MMP26: variants seen among roughly 807,000 people sequenced by gnomAD.
MMP26 encodes the protein matrix metalloproteinase-26.
In MMP26, 33 loss-of-function variants were observed where a neutral mutation model predicts 31.0. The ratio of observed to expected loss-of-function variants is 1.06; its 90% CI spans 0.81 to 1.42. The LOEUF is 1.42. Among genes scored for constraint, MMP26 ranks in the 40% most tolerant of loss-of-function variants. The probability of loss-of-function intolerance (pLI) is 0.00; values close to 1 mark genes in which losing one functional copy is unlikely to be tolerated. For synonymous variants in MMP26, 122 were observed against 114.9 expected (o/e 1.06, Z -0.40); for missense variants, 347 against 316.1 (o/e 1.10, Z -0.74).
At chr11:4,885,476 C>G (rs1407943774) in intron 2 of MMP26, among the ~76,000 whole-genome samples, 1 of 152,048 alleles carries the variant, frequency 6.6e-6, no homozygotes, top group African/African-American at 2.4e-5. Flanking sequence ...AAAACTGTAG[C>G]ATTGTGTTAC....
rs550219512 is a variant in MMP26, at chr11:4,882,254, G to GCCATGGC, written c.-144-105812_-144-105806dup. ...CTTGCTGGAGTCCTCGGTGCTGGTA[G>GCCATGGC]CCATGGCCTTTGACCGCTTCGTGGC... On this transcript the variant is annotated intron_variant, in intron 2 of 7. Transcript: ENST00000380390. The GCCATGGC allele has an allele frequency of 1.4e-4, 232 of 1,613,934 alleles. 1 individual carries two copies. The East Asian group carries it at 4.9e-3, about 34-fold the overall frequency.
chr11:4,750,315 G>C (rs1354000601), intron 1 of MMP26, among the ~76,000 whole-genome samples: 1 of 152,092 alleles, frequency 6.6e-6, no homozygotes, highest in Non-Finnish European at 1.5e-5. Flanking sequence ...TTTACACACT[G>C]TTGGTGGGAA....
intron 2 of MMP26, chr11:4,822,061 C>T (rs762860986): frequency 1.2e-6 from 2 of 1,613,700 alleles, no homozygotes; most frequent in South Asian, 1.1e-5. Flanking sequence ...GTTTGACTGC[C>T]CTTGCATCCT....
intron 2 of MMP26, among the ~76,000 whole-genome samples, chr11:4,869,401 G>A (rs1490092191): frequency 6.6e-6 from 1 of 152,152 alleles, no homozygotes; most frequent in East Asian, 1.9e-4. Context: ...TCAAAAAGTG[G>A]GCGAAGGATA....
At chr11:4,893,079 C>T (rs1850650720) in intron 2 of MMP26, among the ~76,000 whole-genome samples, 2 of 151,930 alleles carry the variant, frequency 1.3e-5, no homozygotes, top group Non-Finnish European at 1.5e-5. Flanking sequence ...ATTCTATATG[C>T]CATTGTCAAA....
In MMP26 at chr11:4,946,910, A is replaced by G. The variant is rs372522687; in HGVS notation, c.-144-41158A>G. 1.9e-6 allele frequency: 3 copies of G among 1,606,764 alleles called. No homozygotes were observed. The African/African-American group carries it at 4.1e-5, about 22-fold the overall frequency. On this transcript the variant is annotated intron_variant, in intron 2 of 7. Transcript: ENST00000380390. Reference sequence around the variant, plus strand: ...GTCTGACATAGCCAACATGGAAAGAAAATAGTACATGGGCTCATGCAAGGA... The same window carrying G: ...GTCTGACATAGCCAACATGGAAAGAGAATAGTACATGGGCTCATGCAAGGA...
rs117442205 is a variant in MMP26, at chr11:4,966,841, G to A, written c.-144-21227G>A. Among the ~76,000 whole-genome samples the A allele has an allele frequency of 8.0e-3, 1,214 of 152,268 alleles. 11 individuals are homozygous for A. Among genetic ancestry groups the A allele is most frequent in the Admixed American group, 0.015 (232 of 15,272 alleles). On this transcript the variant is annotated intron_variant, in intron 2 of 7. Coordinates refer to ENST00000380390, the MANE Select transcript of MMP26 (RefSeq NM_021801.5). ...CAGGCCTTTAATGAAGGGAATTCCT[G>A]TGAAAGCTTTTTTAAAAGATTGATA... is the stretch of plus-strand genomic sequence containing the variant.
chr11:4,977,530 C>T (rs1340657557), intron 2 of MMP26, among the ~76,000 whole-genome samples: 1 of 152,184 alleles, frequency 6.6e-6, no homozygotes, highest in African/African-American at 2.4e-5. Context: ...GACCTGTCAG[C>T]TATAACACTC....
chr11:4,843,688 C>T (rs957430671), intron 2 of MMP26, among the ~76,000 whole-genome samples: 3 of 152,342 alleles, frequency 2.0e-5, no homozygotes, highest in African/African-American at 7.2e-5. Flanking sequence ...ACATTTTCCC[C>T]ATTGTGGTGG....
At chr11:4,878,988 C>A (rs1485806319) in intron 2 of MMP26, among the ~76,000 whole-genome samples, 3 of 152,140 alleles carry the variant, frequency 2.0e-5, no homozygotes, top group Non-Finnish European at 4.4e-5. Flanking sequence ...GTAATCCCAG[C>A]ATTTTGGGAA....
At chr11:4,765,523 G>A (rs1332804203) in intron 1 of MMP26, among the ~76,000 whole-genome samples, 1 of 152,144 alleles carries the variant, frequency 6.6e-6, no homozygotes, top group Non-Finnish European at 1.5e-5. Context: ...TTATCCATGT[G>A]CACACCAACT....
At chr11:4,846,343 T>C (rs534846022) in intron 2 of MMP26, among the ~76,000 whole-genome samples, 2 of 152,270 alleles carry the variant, frequency 1.3e-5, no homozygotes, top group African/African-American at 4.8e-5. Flanking sequence ...TTGTGGGATC[T>C]AAAAATGAAA....
At position 4,953,985 on chromosome 11, in the gene MMP26, C is replaced by T. The variant is rs1200551631; in HGVS notation, c.-144-34083C>T. Among the ~76,000 whole-genome samples the T allele has an allele frequency of 6.4e-5, 8 of 125,316 alleles. 1 individual carries two copies. Among genetic ancestry groups the T allele is most frequent in the African/African-American group, 1.6e-4 (6 of 36,726 alleles). 82.2% of individuals were successfully genotyped at this position (125,316 alleles called of 152,430 possible). A position where few individuals can be genotyped will look rare whatever the true frequency, so the allele number is the denominator to read the frequency against. On this transcript the variant is annotated intron_variant, in intron 2 of 7. Transcript: ENST00000380390. Reference sequence around the variant, plus strand: ...AAGAGAATCGCTTGAACCTGGGAGGCGGAGGTTGCAGTGAGCAGAGATTGT... The same window carrying T: ...AAGAGAATCGCTTGAACCTGGGAGGTGGAGGTTGCAGTGAGCAGAGATTGT...
intron 1 of MMP26, chr11:4,711,284 G>C (rs1208248660): frequency 6.6e-6 from 1 of 152,066 alleles, no homozygotes; most frequent in Non-Finnish European, 1.5e-5. Flanking sequence ...AAAAATATAG[G>C]TTAGTATACA....
At position 4,787,211 on chromosome 11, in the gene MMP26, G is replaced by C. The variant is rs114559236; in HGVS notation, c.-145+19870G>C. 1.6e-4 allele frequency: 25 copies of C among 152,394 alleles called. 1 individual carries two copies. Among genetic ancestry groups the C allele is most frequent in the African/African-American group, 5.8e-4 (24 of 41,536 alleles). The allele number at this position is 152,394 out of a possible 1,614,324, so 9.4% of individuals were successfully genotyped here. ...AAGATTGGTGTAGCAATAGTCCTAA[G>C]AACATTGATCAGCCTCTGTCCATCC... is the stretch of plus-strand genomic sequence containing the variant. On this transcript the variant is annotated intron_variant, in intron 2 of 7. Transcript: ENST00000380390.
At chr11:4,965,145 T>C (rs1055813159) in intron 2 of MMP26, among the ~76,000 whole-genome samples, 1 of 152,136 alleles carries the variant, frequency 6.6e-6, no homozygotes, top group African/African-American at 2.4e-5. Flanking sequence ...TTTAATCAGA[T>C]ATGACCAGCC....
intron 2 of MMP26, among the ~76,000 whole-genome samples, chr11:4,851,172 G>C (rs567919494): frequency 6.6e-6 from 1 of 152,176 alleles, no homozygotes; most frequent in African/African-American, 2.4e-5. Context: ...GAAAATAACA[G>C]CCAGTTGCCT....
At chr11:4,808,882 A>C (rs893416170) in intron 2 of MMP26, among the ~76,000 whole-genome samples, 2 of 146,968 alleles carry the variant, frequency 1.4e-5, no homozygotes, top group African/African-American at 5.1e-5. Flanking sequence ...CTGCTGACCT[A>C]CGGAATCTAG....
At chr11:4,765,714 G>T (rs887794491) in intron 1 of MMP26, among the ~76,000 whole-genome samples, 10 of 152,170 alleles carry the variant, frequency 6.6e-5, no homozygotes, top group African/African-American at 2.4e-4. Context: ...TAGTGGAAAA[G>T]AGCTACCACT....
Sources: allele counts gnomAD v4.1 joint callset (sites outside exome capture counted in the v4.1 genomes callset), GRCh38; gene constraint gnomAD v4.1.1; transcripts MANE v1.5; gene names NCBI Gene and HGNC (gene_info 2026-07-23, HGNC 2026-07-21).